The following GRK3 variants were observed in gnomAD, a reference collection of about 807,000 sequenced individuals.
GRK3 encodes the protein adrenergic, beta, receptor kinase 2.
A neutral mutation model predicts 95.7 loss-of-function variants in GRK3; 54 were observed. That is an observed-to-expected ratio of 0.56 (90% CI 0.45 to 0.71). The LOEUF (loss-of-function observed/expected upper bound fraction) is 0.71. Ranked by LOEUF, GRK3 falls within the 30% of genes least tolerant of loss-of-function variation. GRK3 has a pLI of 0.00. For synonymous variants in GRK3, 281 were observed against 290.8 expected, an observed-to-expected ratio of 0.97 and a Z score of 0.34; for missense variants, 649 against 851.2, an observed-to-expected ratio of 0.76 and a Z score of 2.96.
At chr22:25,701,945 A>G (rs1436266720) in intron 13 of GRK3, among the ~76,000 whole-genome samples, 1 of 152,186 alleles carries the variant, frequency 6.6e-6, no homozygotes, top group Non-Finnish European at 1.5e-5. Flanking sequence ...TAAATAACAG[A>G]TATTGTTTGC....
chr22:25,687,704 T>C, intron 11 of GRK3, 37 bp downstream of exon 11: 1 of 1,610,956 alleles, frequency 6.2e-7, no homozygotes, highest in East Asian at 2.2e-5. Flanking sequence ...GCATAGTAGG[T>C]ATTGTGTGAA....
At chr22:25,578,499 T>C (rs906447783) in intron 1 of GRK3, among the ~76,000 whole-genome samples, 1 of 152,136 alleles carries the variant, frequency 6.6e-6, no homozygotes, top group Admixed American at 6.5e-5. Flanking sequence ...TTATGTTATA[T>C]GACAAGGGGG....
At chr22:25,698,821 A>G (rs914706967) in intron 13 of GRK3, among the ~76,000 whole-genome samples, 6 of 152,206 alleles carry the variant, frequency 3.9e-5, no homozygotes, top group African/African-American at 1.2e-4. Flanking sequence ...TTTGCGCAGC[A>G]GCCCTGGAAC....
In GRK3 at chr22:25,689,301, T is replaced by C. The variant is rs190649221; in HGVS notation, c.958-888T>C. ...GACGGCCCATGAAGCGCTATTGTAA[T>C]ACATTCTAATTTAAATCAGTAACTG... On this transcript the variant is annotated intron_variant, in intron 11 of 20. Transcript: ENST00000324198. 3.0e-4 allele frequency among the ~76,000 whole-genome samples: 45 copies of C among 152,226 alleles called. No homozygotes were observed. The East Asian group carries it at 8.7e-3, about 29-fold the overall frequency.
At chr22:25,620,270 T>C (rs1293900771) in intron 2 of GRK3, among the ~76,000 whole-genome samples, 1 of 152,054 alleles carries the variant, frequency 6.6e-6, no homozygotes. Flanking sequence ...GTCTTTCACA[T>C]AGCCCGCGAA....
At chr22:25,637,100 G>T (rs1245824017) in intron 2 of GRK3, among the ~76,000 whole-genome samples, 1 of 152,154 alleles carries the variant, frequency 6.6e-6, no homozygotes. Flanking sequence ...CTCTTTTTGA[G>T]CTTGGGCATC....
chr22:25,725,591 A>T lies in GRK3; in HGVS notation c.*3141A>T, dbSNP rs1201871502. 1 of 398,486 alleles carries T rather than the reference A, an allele frequency of 2.5e-6. No individual in the cohort carries two copies. The highest frequency in any genetic ancestry group is 2.1e-5 in the African/African-American group (1 of 48,616). The allele number at this position is 398,486 out of a possible 1,614,324, so 24.7% of individuals were successfully genotyped here. A position where few individuals can be genotyped will look rare whatever the true frequency, so the allele number is the denominator to read the frequency against. ...CAGCTTATTATGTCACCATTCATGC[A>T]AAGTGCTCATGCCTCTGATTGGTCC... On this transcript the variant is annotated 3_prime_UTR_variant, in exon 21 of 21. Transcript: ENST00000324198.
rs1309779717 is a variant in GRK3, at chr22:25,728,283, C to G, written c.*5833C>G. On this transcript the variant is annotated 3_prime_UTR_variant, in exon 21 of 21. Coordinates refer to ENST00000324198, the MANE Select transcript of GRK3 (RefSeq NM_005160.4). ...TCTTTCGTCACGTCGGGCAGCACACCTGCTGTGAAATACTGCTTTCATCTA... is the reference window on the plus strand; with the variant it reads ...TCTTTCGTCACGTCGGGCAGCACACGTGCTGTGAAATACTGCTTTCATCTA... 1 of 152,246 alleles carries G rather than the reference C, an allele frequency of 6.6e-6. No individual in the cohort carries two copies. The highest frequency in any genetic ancestry group is 1.9e-4 in the East Asian group (1 of 5,204). 9.4% of individuals were successfully genotyped at this position (152,246 alleles called of 1,614,324 possible). A position where few individuals can be genotyped will look rare whatever the true frequency, so the allele number is the denominator to read the frequency against.
chr22:25,700,185 A>G (rs562197817), intron 13 of GRK3, among the ~76,000 whole-genome samples: 45 of 152,330 alleles, frequency 3.0e-4, no homozygotes, highest in African/African-American at 1.1e-3. Flanking sequence ...CTGGACTCAC[A>G]GTGATTGACT....
intron 1 of GRK3, among the ~76,000 whole-genome samples, chr22:25,581,560 C>T (rs1339527997): frequency 6.6e-6 from 1 of 152,016 alleles, no homozygotes; most frequent in Non-Finnish European, 1.5e-5. Context: ...TTAAGAGGCT[C>T]GTTTGCAACC....
At chr22:25,565,200 C>A in intron 1 of GRK3, 47 bp downstream of exon 1, 1 of 1,033,874 alleles carries the variant, frequency 9.7e-7, no homozygotes, top group Non-Finnish European at 1.4e-6. Flanking sequence ...CCGCCCCCTG[C>A]GGCCGCCAGC....
chr22:25,644,141 T>G (rs899932475), intron 2 of GRK3, among the ~76,000 whole-genome samples: 3 of 151,702 alleles, frequency 2.0e-5, no homozygotes, highest in African/African-American at 7.3e-5. Flanking sequence ...TGGTGTTTTT[T>G]TTTTTGTTTG....
chr22:25,681,102 T>C (rs1337420349), intron 9 of GRK3, among the ~76,000 whole-genome samples: 1 of 152,152 alleles, frequency 6.6e-6, no homozygotes, highest in African/African-American at 2.4e-5. Context: ...TCCACAGCTG[T>C]GAAGAGCAGT....
At chr22:25,698,602 C>G (rs144641869) in intron 13 of GRK3, among the ~76,000 whole-genome samples, 141 of 152,252 alleles carry the variant, frequency 9.3e-4, no homozygotes, top group African/African-American at 3.3e-3. Context: ...AGGGAGAAGT[C>G]TCAGATGGTT....
intron 1 of GRK3, among the ~76,000 whole-genome samples, chr22:25,591,587 A>G (rs1445352793): frequency 6.6e-6 from 1 of 152,114 alleles, no homozygotes; most frequent in African/African-American, 2.4e-5. Context: ...TATGGTTGAA[A>G]AGGGCTCCTT....
At chr22:25,620,006 T>TTG (rs56260834) in intron 2 of GRK3, among the ~76,000 whole-genome samples, 19,302 of 89,824 alleles carry the variant, frequency 0.21, 1,973 homozygotes, top group Non-Finnish European at 0.25. Context: ...TTTGTCTTTT[T>TTG]TGTGTGTGTG....
chr22:25,712,099 G>C (rs2085348366), intron 17 of GRK3, among the ~76,000 whole-genome samples: 1 of 152,230 alleles, frequency 6.6e-6, no homozygotes, highest in Non-Finnish European at 1.5e-5. Context: ...GTGCACCTGG[G>C]GAACCCAGTG....
chr22:25,699,052 G>C, intron 13 of GRK3, among the ~76,000 whole-genome samples: 1 of 152,316 alleles, frequency 6.6e-6, no homozygotes, highest in East Asian at 1.9e-4. Flanking sequence ...TGAAACTGAA[G>C]TGTACGGAGG....
At chr22:25,652,634 ATCAG>A (rs2084840647) in intron 3 of GRK3, among the ~76,000 whole-genome samples, 1 of 152,152 alleles carries the variant, frequency 6.6e-6, no homozygotes, top group African/African-American at 2.4e-5. Context: ...TTGGATTGTA[ATCAG>A]TCAGGGATGT....
Sources: gnomAD v4.1 joint callset for allele counts (sites outside exome capture counted in the v4.1 genomes callset) on GRCh38, gnomAD v4.1.1 for gene constraint, MANE v1.5 for transcripts, NCBI Gene and HGNC (gene_info 2026-07-23, HGNC 2026-07-21) for gene names.